SPATA16: variants seen among roughly 807,000 people sequenced by gnomAD.
SPATA16 encodes spermatogenesis-associated protein 16.
In SPATA16, 36 loss-of-function variants were observed where a neutral mutation model predicts 63.3. That is an observed-to-expected ratio of 0.57 (90% CI 0.44 to 0.75). The LOEUF (loss-of-function observed/expected upper bound fraction) is 0.75, where lower values mean the gene tolerates loss of function less well. SPATA16 is among the 30% of genes least tolerant of loss of function. The pLI, the probability that SPATA16 is intolerant of heterozygous loss-of-function variation, is 0.00. For missense variants in SPATA16, 646 were observed against 679.3 expected (o/e 0.95, Z 0.54); for synonymous variants, 203 against 216.7 (o/e 0.94, Z 0.56).
rs558800702 is a variant in SPATA16, at chr3:172,892,210, G to A, written c.1588-2518C>T. 8.5e-5 allele frequency among the ~76,000 whole-genome samples: 13 copies of A among 152,260 alleles called. No individual in the cohort carries two copies. The South Asian group carries it at 2.1e-3, about 24-fold the overall frequency. On this transcript the variant is annotated intron_variant, in intron 10 of 10. Transcript: ENST00000351008. Reference sequence around the variant, plus strand: ...TTAGCTTTGAGAGTGTCTTGCCTGTGTACTTGAAACAGCCAGGAGTAGAAA... The same window carrying A: ...TTAGCTTTGAGAGTGTCTTGCCTGTATACTTGAAACAGCCAGGAGTAGAAA...
chr3:173,070,030 A>G (rs1588873), intron 2 of SPATA16, among the ~76,000 whole-genome samples: 63,211 of 151,728 alleles, frequency 0.42, 14,672 homozygotes, highest in African/African-American at 0.63. Flanking sequence ...TCCACAGTTA[A>G]TATCATATTG....
At chr3:172,949,235 A>C (rs1733368611) in intron 6 of SPATA16, among the ~76,000 whole-genome samples, 1 of 152,096 alleles carries the variant, frequency 6.6e-6, no homozygotes. Flanking sequence ...TAAAAGCAAT[A>C]AATAAATAAA....
intron 2 of SPATA16, among the ~76,000 whole-genome samples, chr3:173,107,229 T>C (rs936698880): frequency 1.3e-5 from 2 of 152,166 alleles, no homozygotes; most frequent in Non-Finnish European, 2.9e-5. Flanking sequence ...GTTGATTTCT[T>C]GGTGTAATTT....
intron 3 of SPATA16, among the ~76,000 whole-genome samples, chr3:173,046,244 A>G (rs1000696075): frequency 3.3e-5 from 5 of 152,092 alleles, no homozygotes; most frequent in East Asian, 1.9e-4. Context: ...GAGTCTGAGC[A>G]TTACTTTTGG....
intron 2 of SPATA16, among the ~76,000 whole-genome samples, chr3:173,083,701 C>T (rs993971265): frequency 2.0e-5 from 3 of 152,268 alleles, no homozygotes; most frequent in African/African-American, 4.8e-5. Context: ...TATGTGTTCA[C>T]ATTGTTCAGC....
chr3:173,133,613 T>G (rs1384684778), intron 1 of SPATA16, among the ~76,000 whole-genome samples: 1 of 152,134 alleles, frequency 6.6e-6, no homozygotes. Flanking sequence ...TATAGGGAAC[T>G]AAGGAGAAGA....
intron 2 of SPATA16, among the ~76,000 whole-genome samples, chr3:173,072,702 C>G (rs1736703005): frequency 6.6e-6 from 1 of 152,132 alleles, no homozygotes; most frequent in Non-Finnish European, 1.5e-5. Context: ...TTATAAATCA[C>G]CCAGTCTCAG....
intron 2 of SPATA16, among the ~76,000 whole-genome samples, chr3:173,057,478 T>G (rs553288615): frequency 2.7e-5 from 4 of 149,626 alleles, no homozygotes; most frequent in African/African-American, 1.0e-4. Context: ...TATTCCTATC[T>G]ATTAGGCTCT....
chr3:172,898,482 T>C (rs1161501655), intron 10 of SPATA16, among the ~76,000 whole-genome samples: 1 of 152,040 alleles, frequency 6.6e-6, no homozygotes, highest in East Asian at 1.9e-4. Flanking sequence ...TTTATCAAAG[T>C]TGTCAAATTT....
chr3:172,934,017 C>T (rs1331852728), intron 6 of SPATA16, among the ~76,000 whole-genome samples: 2 of 151,984 alleles, frequency 1.3e-5, no homozygotes, highest in Non-Finnish European at 2.9e-5. Context: ...CTGGTGATGC[C>T]ATTATTACAA....
intron 2 of SPATA16, among the ~76,000 whole-genome samples, chr3:173,068,224 C>G (rs1215514215): frequency 6.6e-6 from 1 of 152,082 alleles, no homozygotes; most frequent in Non-Finnish European, 1.5e-5. Flanking sequence ...AATGTTTAAA[C>G]CACTCATATC....
At chr3:172,961,069 TCTTCCTTCCTTCCTTC>T (rs770794784) in intron 5 of SPATA16, among the ~76,000 whole-genome samples, 3 of 72,346 alleles carry the variant, frequency 4.1e-5, no homozygotes, top group Admixed American at 2.9e-4. Context: ...CTTTCTTCTT[TCTTCCTTCCTTCCTTC>T]CTTCCTTCCT....
intron 5 of SPATA16, among the ~76,000 whole-genome samples, chr3:172,960,963 CTCTCTTTCTTTT>C (rs936590725): frequency 1.4e-5 from 2 of 143,468 alleles, no homozygotes; most frequent in African/African-American, 5.2e-5. Context: ...CCCTCTCTCT[CTCTCTTTCTTTT>C]TCTCTTTCTC....
chr3:172,961,751 C>T (rs1733790816), intron 5 of SPATA16, among the ~76,000 whole-genome samples: 8 of 152,130 alleles, frequency 5.3e-5, no homozygotes, highest in Admixed American at 5.2e-4. Flanking sequence ...ATTAGAGTCT[C>T]TAATGTTATA....
At chr3:172,905,359 C>A (rs1247781749) in intron 10 of SPATA16, among the ~76,000 whole-genome samples, 1 of 152,138 alleles carries the variant, frequency 6.6e-6, no homozygotes, top group Admixed American at 6.5e-5. Flanking sequence ...ACTAACCCAG[C>A]CACATATTAG....
chr3:173,097,308 T>A (rs547431649), intron 2 of SPATA16, among the ~76,000 whole-genome samples: 1 of 152,272 alleles, frequency 6.6e-6, no homozygotes, highest in South Asian at 2.1e-4. Context: ...TAGTGATGCT[T>A]GCAATTCAGG....
chr3:173,044,393 G>A (rs1735911816), intron 3 of SPATA16, among the ~76,000 whole-genome samples: 1 of 152,100 alleles, frequency 6.6e-6, no homozygotes, highest in Non-Finnish European at 1.5e-5. Context: ...TAATAAATTA[G>A]TACATTTTAA....
chr3:173,101,751 T>G (rs889539441), intron 2 of SPATA16, among the ~76,000 whole-genome samples: 1 of 152,164 alleles, frequency 6.6e-6, no homozygotes, highest in Admixed American at 6.5e-5. Flanking sequence ...TCTCAAAACC[T>G]ATACTCTAGA....
intron 10 of SPATA16, among the ~76,000 whole-genome samples, chr3:172,891,786 T>C (rs929299244): frequency 2.6e-5 from 4 of 152,224 alleles, no homozygotes; most frequent in Admixed American, 2.0e-4. Flanking sequence ...AACACTTACA[T>C]ATCCTCTAGA....
Sources: allele counts gnomAD v4.1 joint callset (sites outside exome capture counted in the v4.1 genomes callset), GRCh38; gene constraint gnomAD v4.1.1; transcripts MANE v1.5; gene names NCBI Gene and HGNC (gene_info 2026-07-23, HGNC 2026-07-21).